Variants in NLGN1 observed in about 807,000 individuals in gnomAD.
NLGN1 encodes the protein neuroligin 1.
In NLGN1, 12 loss-of-function variants were observed where a neutral mutation model predicts 65.5. The observed-to-expected ratio is 0.18, with a 90% CI of 0.12 to 0.30. The LOEUF (loss-of-function observed/expected upper bound fraction) is 0.30. Ranked by LOEUF, NLGN1 falls within the 10% of genes least tolerant of loss-of-function variation. The pLI is 1.00. For synonymous variants in NLGN1, 350 were observed against 359.5 expected (o/e 0.97, Z 0.30); for missense variants, 750 against 1,007.1 (o/e 0.74, Z 3.46).
intron 1 of NLGN1, chr3:173,399,866 A>T (rs1717329931): frequency 6.6e-6 from 1 of 152,244 alleles, no homozygotes; most frequent in South Asian, 2.1e-4. Context: ...TGCTATTGAC[A>T]ACTTTTTGTG....
intron 3 of NLGN1, among the ~76,000 whole-genome samples, chr3:173,759,471 T>C (rs1490095290): frequency 1.3e-5 from 2 of 152,002 alleles, no homozygotes; most frequent in Non-Finnish European, 2.9e-5. Context: ...GAGTCACTGC[T>C]ATGTATGTTT....
chr3:173,613,033 G>A (rs982228049), intron 3 of NLGN1, among the ~76,000 whole-genome samples: 22 of 152,000 alleles, frequency 1.4e-4, no homozygotes, highest in Non-Finnish European at 1.8e-4. Flanking sequence ...TATCTGTAAC[G>A]ATCTCATTTC....
chr3:173,425,195 C>T (rs757487730), intron 1 of NLGN1, among the ~76,000 whole-genome samples: 2 of 152,044 alleles, frequency 1.3e-5, no homozygotes, highest in Non-Finnish European at 2.9e-5. Context: ...GAAACTGTTC[C>T]CATGATCTAA....
intron 4 of NLGN1, among the ~76,000 whole-genome samples, chr3:174,086,441 G>A (rs565264288): frequency 6.6e-6 from 1 of 150,954 alleles, no homozygotes; most frequent in East Asian, 1.9e-4. Flanking sequence ...TTAATATGCA[G>A]CCTTTAGGAA....
chr3:173,957,107 A>C (rs1469055307), intron 4 of NLGN1, among the ~76,000 whole-genome samples: 1 of 152,174 alleles, frequency 6.6e-6, no homozygotes, highest in Non-Finnish European at 1.5e-5. Flanking sequence ...TGGAGGGTAA[A>C]GTGATTTAAT....
rs192664772 is a variant in NLGN1, at chr3:173,927,444, C to G, written c.646+119612C>G. On this transcript the variant is annotated intron_variant, in intron 4 of 6. Coordinates refer to ENST00000457714, the Ensembl canonical transcript of NLGN1. The stretch of plus-strand genomic sequence containing the variant: ...AGTCTCTCATCTAGTGTGAATCCTC[C>G]CCTTCTAACTCAGTCATGACATAGG... Among the ~76,000 whole-genome samples the G allele has an allele frequency of 3.2e-3, 494 of 152,114 alleles. 7 individuals carry two copies. The highest frequency in any genetic ancestry group is 0.011 in the African/African-American group (445 of 41,512).
intron 4 of NLGN1, among the ~76,000 whole-genome samples, chr3:174,085,053 G>A (rs1742981228): frequency 6.6e-6 from 1 of 151,974 alleles, no homozygotes; most frequent in Non-Finnish European, 1.5e-5. Flanking sequence ...TATTTTGGTT[G>A]TGAAATGAGA....
chr3:173,406,982 A>G (rs1718822070), intron 1 of NLGN1, among the ~76,000 whole-genome samples: 1 of 152,164 alleles, frequency 6.6e-6, no homozygotes, highest in African/African-American at 2.4e-5. Context: ...CAAAAACATG[A>G]TACAGTATTA....
At chr3:173,581,338 T>G (rs1746362942) in intron 2 of NLGN1, among the ~76,000 whole-genome samples, 1 of 152,056 alleles carries the variant, frequency 6.6e-6, no homozygotes, top group South Asian at 2.1e-4. Context: ...GTCTTCTTAT[T>G]TGAATTCACA....
intron 4 of NLGN1, among the ~76,000 whole-genome samples, chr3:174,020,282 C>A (rs1453942302): frequency 2.0e-5 from 3 of 151,996 alleles, no homozygotes; most frequent in Non-Finnish European, 4.4e-5. Flanking sequence ...TGACATAATT[C>A]TTTGTCAAAG....
intron 2 of NLGN1, among the ~76,000 whole-genome samples, chr3:173,531,347 G>A (rs1158171028): frequency 1.3e-5 from 2 of 151,874 alleles, no homozygotes; most frequent in African/African-American, 2.4e-5. Flanking sequence ...GTGCTGTGAT[G>A]GACATTGCAA....
intron 2 of NLGN1, among the ~76,000 whole-genome samples, chr3:173,456,204 A>G (rs1722492405): frequency 6.6e-6 from 1 of 152,200 alleles, no homozygotes; most frequent in Non-Finnish European, 1.5e-5. Flanking sequence ...ATCATCATAA[A>G]TAAATATAAA....
chr3:174,159,716 T>G (rs1340346119), intron 4 of NLGN1, among the ~76,000 whole-genome samples: 2 of 151,768 alleles, frequency 1.3e-5, no homozygotes, highest in African/African-American at 2.4e-5. Context: ...GCTGGTTGGA[T>G]TCCACAGTTT....
At chr3:173,597,739 A>G (rs1453909076) in intron 2 of NLGN1, among the ~76,000 whole-genome samples, 1 of 151,812 alleles carries the variant, frequency 6.6e-6, no homozygotes, top group Non-Finnish European at 1.5e-5. Context: ...ATTGCAAAAC[A>G]TACACAAAAA....
intron 4 of NLGN1, among the ~76,000 whole-genome samples, chr3:174,133,982 A>G (rs1184047229): frequency 6.6e-6 from 1 of 151,654 alleles, no homozygotes; most frequent in Non-Finnish European, 1.5e-5. Context: ...AAGTTATTCT[A>G]ATACCTGGAC....
chr3:173,734,203 T>C (rs1320634104), intron 3 of NLGN1, among the ~76,000 whole-genome samples: 1 of 151,936 alleles, frequency 6.6e-6, no homozygotes, highest in Non-Finnish European at 1.5e-5. Context: ...TTTTATAATA[T>C]TGATGGCTTT....
chr3:173,608,537 T>A (rs574683209), intron 3 of NLGN1, among the ~76,000 whole-genome samples: 201 of 152,052 alleles, frequency 1.3e-3, no homozygotes, highest in Non-Finnish European at 2.4e-3. Context: ...GTCTGTTTTT[T>A]AATTTTAAAC....
chr3:173,454,267 T>C (rs1209754248), intron 2 of NLGN1, among the ~76,000 whole-genome samples: 3 of 152,246 alleles, frequency 2.0e-5, no homozygotes, highest in African/African-American at 7.2e-5. Context: ...TTTAGCATAA[T>C]TCTCAAGGGT....
chr3:173,804,562 C>T (rs371182054), intron 3 of NLGN1, among the ~76,000 whole-genome samples: 6 of 150,126 alleles, frequency 4.0e-5, no homozygotes, highest in East Asian at 3.9e-4. Context: ...CAATGGTAGG[C>T]TATCTGATAT....
Sources: allele counts gnomAD v4.1 joint callset (sites outside exome capture counted in the v4.1 genomes callset), GRCh38; gene constraint gnomAD v4.1.1; transcripts MANE v1.5; gene names NCBI Gene and HGNC (gene_info 2026-07-23, HGNC 2026-07-21).